ZDHHC15: variants seen among roughly 807,000 people sequenced by gnomAD.
ZDHHC15 encodes palmitoyltransferase ZDHHC15.
A neutral mutation model predicts 31.7 loss-of-function variants in ZDHHC15; 19 were observed. The observed-to-expected ratio is 0.60, with a 90% CI of 0.42 to 0.88. The LOEUF (loss-of-function observed/expected upper bound fraction) is 0.88, where lower values mean the gene tolerates loss of function less well. Among genes scored for constraint, ZDHHC15 ranks in the 40% least tolerant of loss-of-function variants. ZDHHC15 has a pLI of 0.00. For missense variants in ZDHHC15, 209 were observed against 251.2 expected (o/e 0.83, Z 1.14); for synonymous variants, 103 against 90.0 (o/e 1.14, Z -0.82).
At chrX:75,462,161 C>G (rs1260475387) in intron 3 of ZDHHC15, among the ~76,000 whole-genome samples, 2 of 110,933 alleles carry the variant, frequency 1.8e-5, no homozygotes, top group South Asian at 7.5e-4. Context: ...TTTAAACCAA[C>G]AAAAATAAAA....
intron 10 of ZDHHC15, among the ~76,000 whole-genome samples, chrX:75,416,672 C>T (rs777764432): frequency 9.0e-6 from 1 of 111,243 alleles, no homozygotes; most frequent in Non-Finnish European, 1.9e-5. Context: ...TGTATTGAAA[C>T]CATTCTAAAA....
intron 2 of ZDHHC15, among the ~76,000 whole-genome samples, chrX:75,493,613 C>A (rs945139657): frequency 1.8e-5 from 2 of 111,947 alleles, no homozygotes; most frequent in African/African-American, 6.5e-5. Flanking sequence ...CCCTGGGATG[C>A]AAGCCTGGTT....
chrX:75,444,593 T>C (rs1314015029), intron 4 of ZDHHC15, among the ~76,000 whole-genome samples: 1 of 95,435 alleles, frequency 1.0e-5, no homozygotes, highest in African/African-American at 4.0e-5. Context: ...GTTATGCACA[T>C]GTACCGTACA....
intron 1 of ZDHHC15, among the ~76,000 whole-genome samples, chrX:75,513,224 G>C (rs745380405): frequency 9.1e-6 from 1 of 109,294 alleles, no homozygotes; most frequent in Non-Finnish European, 1.9e-5. Flanking sequence ...GGACATAGGC[G>C]TGGGCAAGGA....
intron 10 of ZDHHC15, among the ~76,000 whole-genome samples, chrX:75,409,872 G>A (rs1436571366): frequency 9.3e-6 from 1 of 107,697 alleles, no homozygotes; most frequent in Non-Finnish European, 1.9e-5. Flanking sequence ...ATGGTGCATG[G>A]TGTTGGGATA....
At chrX:75,390,367 T>C (rs1175246310) in intron 10 of ZDHHC15, among the ~76,000 whole-genome samples, 1 of 111,482 alleles carries the variant, frequency 9.0e-6, no homozygotes, top group Non-Finnish European at 1.9e-5. Flanking sequence ...CTTGAGAGAA[T>C]ATAGGCAGTA....
rs35704680 is a variant in ZDHHC15 at position 75,373,926 on chromosome X, G to GTTTT, written c.*33-985_*33-982dup. ...ATACTAGGTCTTATTCATTCTTTCTGTTTTTTTTTTTTTTTTTTTTTTGTA... is the reference window on the plus strand; with the variant it reads ...ATACTAGGTCTTATTCATTCTTTCTGTTTTTTTTTTTTTTTTTTTTTTTTTTGTA... On this transcript the variant is annotated intron_variant, in intron 11 of 11. Coordinates refer to ENST00000373367, the MANE Select transcript of ZDHHC15 (RefSeq NM_144969.3). Among the ~76,000 whole-genome samples the GTTTT allele has an allele frequency of 5.7e-3, 289 of 50,423 alleles. 23 individuals are homozygous for GTTTT. The highest frequency in any genetic ancestry group is 0.019 in the African/African-American group (254 of 13,158). The allele number at this position is 50,423 out of a possible 115,157, so 43.8% of individuals were successfully genotyped here.
chrX:75,510,521 T>C (rs2085246756), intron 1 of ZDHHC15, among the ~76,000 whole-genome samples: 1 of 74,892 alleles, frequency 1.3e-5, no homozygotes, highest in African/African-American at 3.9e-5. Flanking sequence ...TTCTTCTCTC[T>C]TCGGAAAATT....
At chrX:75,438,926 C>G (rs1460915879) in intron 4 of ZDHHC15, among the ~76,000 whole-genome samples, 1 of 111,611 alleles carries the variant, frequency 9.0e-6, no homozygotes, top group Non-Finnish European at 1.9e-5. Context: ...TTTTCTTTCG[C>G]TGGATACAAA....
At chrX:75,440,986 T>G in intron 4 of ZDHHC15, among the ~76,000 whole-genome samples, 1 of 111,081 alleles carries the variant, frequency 9.0e-6, no homozygotes, top group Middle Eastern at 4.6e-3. Flanking sequence ...CTCACCCAAC[T>G]CCCATGCAGC....
intron 3 of ZDHHC15, among the ~76,000 whole-genome samples, chrX:75,460,369 C>T (rs2084293429): frequency 9.0e-6 from 1 of 110,754 alleles, no homozygotes; most frequent in African/African-American, 3.3e-5. Context: ...GCTGGCTTTG[C>T]AGAGTCCAAA....
chrX:75,478,357 A>G (rs761408061), intron 3 of ZDHHC15, among the ~76,000 whole-genome samples: 12 of 111,249 alleles, frequency 1.1e-4, no homozygotes, highest in Admixed American at 3.9e-4. Context: ...TTTTCTAATT[A>G]TATCACCAAT....
intron 3 of ZDHHC15, among the ~76,000 whole-genome samples, chrX:75,476,516 CT>C (rs2084607554): frequency 9.0e-6 from 1 of 111,008 alleles, no homozygotes; most frequent in Non-Finnish European, 1.9e-5. Context: ...ATATTATTTT[CT>C]TATAATTCAA....
chrX:75,394,771 G>C (rs1188184093), intron 10 of ZDHHC15, among the ~76,000 whole-genome samples: 1 of 111,616 alleles, frequency 9.0e-6, no homozygotes, highest in Non-Finnish European at 1.9e-5. Flanking sequence ...AACAATAACA[G>C]CTGGAGACTT....
At chrX:75,452,717 T>G (rs1282782137) in intron 3 of ZDHHC15, among the ~76,000 whole-genome samples, 2 of 112,106 alleles carry the variant, frequency 1.8e-5, no homozygotes, top group Admixed American at 1.9e-4. Flanking sequence ...AAATTAGAAC[T>G]CAGGATTAAG....
At chrX:75,461,370 C>T (rs1338752228) in intron 3 of ZDHHC15, among the ~76,000 whole-genome samples, 2 of 111,715 alleles carry the variant, frequency 1.8e-5, no homozygotes, top group South Asian at 3.8e-4. Flanking sequence ...TTCAGGATAT[C>T]ATCCAGGAGA....
intron 1 of ZDHHC15, among the ~76,000 whole-genome samples, chrX:75,510,846 G>A (rs1272447765): frequency 3.5e-5 from 2 of 57,642 alleles, no homozygotes; most frequent in Non-Finnish European, 6.3e-5. Flanking sequence ...TTGTTCTTGC[G>A]ATAGTTTACT....
intron 2 of ZDHHC15, among the ~76,000 whole-genome samples, chrX:75,480,362 C>A (rs1044048729): frequency 9.0e-6 from 1 of 111,607 alleles, no homozygotes; most frequent in South Asian, 3.8e-4. Flanking sequence ...ATGTATCATT[C>A]CAGATCCTCT....
chrX:75,487,474 AAAG>A (rs1396761699), intron 2 of ZDHHC15, among the ~76,000 whole-genome samples: 2 of 112,017 alleles, frequency 1.8e-5, no homozygotes, highest in Non-Finnish European at 3.8e-5. Flanking sequence ...ATCCCTGGAG[AAAG>A]AAGGAGAGCA....
Sources: allele counts gnomAD v4.1 joint callset (sites outside exome capture counted in the v4.1 genomes callset), GRCh38; gene constraint gnomAD v4.1.1; transcripts MANE v1.5; gene names NCBI Gene and HGNC (gene_info 2026-07-23, HGNC 2026-07-21).